Variants in NTN1 observed in about 807,000 individuals in gnomAD.
NTN1 encodes the protein netrin-1.
A neutral mutation model predicts 54.2 loss-of-function variants in NTN1; 11 were observed. The ratio of observed to expected loss-of-function variants is 0.20; its 90% CI spans 0.13 to 0.34. The LOEUF (loss-of-function observed/expected upper bound fraction) is 0.34. Among genes scored for constraint, NTN1 ranks in the 10% least tolerant of loss-of-function variants. NTN1 has a pLI of 1.00. For synonymous variants in NTN1, 371 were observed against 382.0 expected, an observed-to-expected ratio of 0.97 and a Z score of 0.33; for missense variants, 740 against 893.1, an observed-to-expected ratio of 0.83 and a Z score of 2.18.
intron 2 of NTN1, among the ~76,000 whole-genome samples, chr17:9,097,252 G>A (rs528513760): frequency 5.6e-4 from 85 of 152,278 alleles, no homozygotes; most frequent in African/African-American, 1.9e-3. Flanking sequence ...CTATGCCGAC[G>A]CTTGTTCACC....
At chr17:9,210,975 T>C (rs1187336840) in intron 5 of NTN1, among the ~76,000 whole-genome samples, 1 of 140,592 alleles carries the variant, frequency 7.1e-6, no homozygotes, top group Non-Finnish European at 1.5e-5. Context: ...TCTTTCTTTC[T>C]AACACAAGAA....
intron 6 of NTN1, among the ~76,000 whole-genome samples, chr17:9,230,458 C>T (rs200748043): frequency 8.0e-5 from 12 of 150,864 alleles, no homozygotes; most frequent in Non-Finnish European, 1.0e-4. Flanking sequence ...ACCCCCCCCC[C>T]GAGTGCCAGC....
intron 2 of NTN1, among the ~76,000 whole-genome samples, chr17:9,063,450 G>C (rs763616465): frequency 2.6e-5 from 4 of 152,000 alleles, no homozygotes; most frequent in South Asian, 2.1e-4. Flanking sequence ...GCACAAAATG[G>C]TGTTTCTCCA....
chr17:9,235,402 C>T lies in NTN1; in HGVS notation c.1487-4238C>T, dbSNP rs75250123. On this transcript the variant is annotated intron_variant, in intron 6 of 6. Coordinates refer to ENST00000173229, the MANE Select transcript of NTN1 (RefSeq NM_004822.3). ...CCTCAGCAGAGCCCCCCTGTTCCAG[C>T]GTTGTTGAAGACAACTTTTAGGACA... Among the ~76,000 whole-genome samples, 1,209 of 152,278 alleles carry T rather than the reference C, an allele frequency of 7.9e-3. 19 individuals are homozygous for T. Among genetic ancestry groups the T allele is most frequent in the African/African-American group, 0.028 (1,158 of 41,558 alleles).
chr17:9,226,809 A>G (rs1169808605), intron 6 of NTN1, among the ~76,000 whole-genome samples: 1 of 152,024 alleles, frequency 6.6e-6, no homozygotes, highest in Non-Finnish European at 1.5e-5. Context: ...CGTGCTCACC[A>G]CACAGTTGGC....
chr17:9,200,241 A>G (rs1233077704), intron 5 of NTN1, among the ~76,000 whole-genome samples: 3 of 152,204 alleles, frequency 2.0e-5, no homozygotes, highest in Non-Finnish European at 2.9e-5. Flanking sequence ...CTGGTTCCCT[A>G]TTGGGACAGC....
At chr17:9,011,329 C>T in the NTN1 span, among the ~76,000 whole-genome samples, 3 of 152,166 alleles carry the variant, frequency 2.0e-5, no homozygotes, top group African/African-American at 7.2e-5. Flanking sequence ...TTCAGCTTCT[C>T]ATGGCTGCTG....
chr17:9,008,488 A>AT, the NTN1 span, among the ~76,000 whole-genome samples: 22 of 151,344 alleles, frequency 1.5e-4, no homozygotes, highest in Admixed American at 3.9e-4. Context: ...CCCAGCTGAT[A>AT]TTTTTTGTAT....
intron 2 of NTN1, among the ~76,000 whole-genome samples, chr17:9,043,568 A>G (rs1477143463): frequency 6.9e-6 from 1 of 145,888 alleles, no homozygotes; most frequent in Admixed American, 7.0e-5. Context: ...TTGTCTCTCT[A>G]ATCTCTCTCT....
At chr17:9,163,034 G>A (rs1397724164) in intron 3 of NTN1, 33 bp downstream of exon 3, 2 of 1,553,918 alleles carry the variant, frequency 1.3e-6, no homozygotes, top group Admixed American at 1.9e-5. Flanking sequence ...GGGGGCTGGG[G>A]AGACCCGGGG....
chr17:9,135,733 T>G lies in NTN1; in HGVS notation c.1019-27080T>G, dbSNP rs2092278914. On this transcript the variant is annotated intron_variant, in intron 2 of 6. Transcript: ENST00000173229. This position sits in a 1 kb window ranked among gnomAD's most constrained non-coding sequence, Gnocchi z 4.4. ...CTAGGGCTCCCTGGAGTAGGCCTGGTGGGGCACTTGTCCTTAGAGCCCTTT... is the reference window on the plus strand; with the variant it reads ...CTAGGGCTCCCTGGAGTAGGCCTGGGGGGGCACTTGTCCTTAGAGCCCTTT... Among the ~76,000 whole-genome samples the G allele has an allele frequency of 6.6e-6, 1 of 152,178 alleles. No individual in the cohort carries two copies. Among genetic ancestry groups the G allele is most frequent in the Admixed American group, 6.5e-5 (1 of 15,282 alleles).
intron 5 of NTN1, among the ~76,000 whole-genome samples, chr17:9,218,103 C>T (rs1905252627): frequency 6.6e-6 from 1 of 152,162 alleles, no homozygotes; most frequent in Non-Finnish European, 1.5e-5. Context: ...TTAGAACCAT[C>T]TGGGGAACAT....
Position 9,221,294 on chromosome 17 carries a change from G to A in NTN1, c.1486+52G>A, listed in dbSNP as rs899929191. The A allele has an allele frequency of 2.1e-6, 3 of 1,450,018 alleles. No homozygotes were observed. Among genetic ancestry groups the A allele is most frequent in the Non-Finnish European group, 2.9e-6 (3 of 1,031,184 alleles). 89.8% of individuals were successfully genotyped at this position (1,450,018 alleles called of 1,614,324 possible). ...AGGATGGGAGGGGGCCACGTGACCA[G>A]CGAGGTGCTGGGGCTGGGGTGCAGC... On this transcript the variant is annotated intron_variant, in intron 6 of 6. Transcript: ENST00000173229. The surrounding 1 kb of genome is among the most constrained non-coding windows in gnomAD (Gnocchi z 4.5).
Position 9,023,408 on chromosome 17 carries a change from G to A in NTN1, c.1018+17G>A, listed in dbSNP as rs1597461127. The A allele has an allele frequency of 1.5e-6, 2 of 1,351,134 alleles. No homozygotes were observed. Among genetic ancestry groups the A allele is most frequent in the Non-Finnish European group, 1.9e-6 (2 of 1,057,658 alleles). 83.7% of individuals were successfully genotyped at this position (1,351,134 alleles called of 1,614,324 possible). On this transcript the variant is annotated intron_variant, in intron 2 of 6. Coordinates refer to ENST00000173229, the MANE Select transcript of NTN1 (RefSeq NM_004822.3). The stretch of plus-strand genomic sequence containing the variant: ...AGTGCGTGGGTGAGTGGGGTGCGGC[G>A]GCGGAGCCGGCGGCGGGTGGGGCCG...
At chr17:9,225,574 C>G (rs1189591478) in intron 6 of NTN1, among the ~76,000 whole-genome samples, 2 of 152,204 alleles carry the variant, frequency 1.3e-5, no homozygotes, top group Non-Finnish European at 2.9e-5. Context: ...CTGTGTTGGG[C>G]CCCTGGCCCC....
At chr17:9,231,295 C>CGGG (rs35777481) in intron 6 of NTN1, among the ~76,000 whole-genome samples, 13,589 of 145,290 alleles carry the variant, frequency 0.094, 650 homozygotes, top group South Asian at 0.12. Flanking sequence ...ATGGGGTACC[C>CGGG]GGGGGGGGAC....
intron 2 of NTN1, among the ~76,000 whole-genome samples, chr17:9,122,782 A>G (rs1265987253): frequency 6.6e-6 from 1 of 152,054 alleles, no homozygotes; most frequent in African/African-American, 2.4e-5. Flanking sequence ...ACCTTTTTCT[A>G]TTTGCGTATG....
At chr17:9,232,066 G>A (rs1030034208) in intron 6 of NTN1, among the ~76,000 whole-genome samples, 14 of 152,196 alleles carry the variant, frequency 9.2e-5, no homozygotes, top group African/African-American at 2.7e-4. Context: ...GGAGGGCCTC[G>A]GGGGAGGGGA....
intron 4 of NTN1, among the ~76,000 whole-genome samples, chr17:9,181,702 G>A (rs1213885443): frequency 1.3e-5 from 2 of 152,176 alleles, no homozygotes. Context: ...TCAAGTCCTA[G>A]CTCATCTAGA....
Sources: gnomAD v4.1 joint callset for allele counts (sites outside exome capture counted in the v4.1 genomes callset) on GRCh38, gnomAD v4.1.1 for gene constraint, Gnocchi (gnomAD v3.1) non-coding constraint, MANE v1.5 for transcripts, NCBI Gene and HGNC (gene_info 2026-07-23, HGNC 2026-07-21) for gene names.